The following SLC44A5 variants were observed in gnomAD, a reference collection of about 807,000 sequenced individuals.
SLC44A5 encodes the protein choline transporter-like protein 5.
A neutral mutation model predicts 101.8 loss-of-function variants in SLC44A5; 57 were observed. The observed-to-expected ratio is 0.56, with a 90% CI of 0.45 to 0.70. The LOEUF is 0.70. SLC44A5 is among the 30% of genes least tolerant of loss of function. The probability of loss-of-function intolerance (pLI) is 0.00; values close to 1 mark genes in which losing one functional copy is unlikely to be tolerated. For synonymous variants in SLC44A5, 281 were observed against 290.9 expected (o/e 0.97, Z 0.35); for missense variants, 737 against 853.1 (o/e 0.86, Z 1.70).
At chr1:75,218,041 A>G (rs1646999256) in intron 17 of SLC44A5, 81 bp from the exon 18 acceptor site, 1 of 916,858 alleles carries the variant, frequency 1.1e-6, no homozygotes, top group African/African-American at 1.7e-5. Context: ...TTTCACAAGT[A>G]AAAGGTATCT....
At chr1:75,213,815 T>A in intron 21 of SLC44A5, 22 bp from the exon 22 acceptor site, 1 of 1,583,446 alleles carries the variant, frequency 6.3e-7, no homozygotes, top group East Asian at 2.2e-5. Context: ...AGGTAGAACA[T>A]GTATATTATA....
intron 12 of SLC44A5, among the ~76,000 whole-genome samples, chr1:75,229,231 A>G (rs2100547868): frequency 6.6e-6 from 1 of 151,740 alleles, no homozygotes; most frequent in Admixed American, 6.6e-5. Context: ...CGTTGCTTCC[A>G]CTCTTGCCTC....
At chr1:75,615,436 TACACACAC>T (rs56337760), upstream of SLC44A5, among the ~76,000 whole-genome samples, 553 of 133,588 alleles carry the variant, frequency 4.1e-3, 2 homozygotes, top group Non-Finnish European at 5.5e-3. Flanking sequence ...CACACATACA[TACACACAC>T]ACACACACAC....
intron 2 of SLC44A5, among the ~76,000 whole-genome samples, chr1:75,509,508 T>C (rs567785289): frequency 3.3e-5 from 5 of 152,304 alleles, no homozygotes; most frequent in African/African-American, 1.2e-4. Flanking sequence ...ATGGTTACTT[T>C]GGAGGACATG....
chr1:75,451,232 G>T (rs1665891278), intron 2 of SLC44A5, among the ~76,000 whole-genome samples: 1 of 152,158 alleles, frequency 6.6e-6, no homozygotes, highest in Non-Finnish European at 1.5e-5. Flanking sequence ...AGACCACTAT[G>T]CATTCCATGA....
intron 2 of SLC44A5, among the ~76,000 whole-genome samples, chr1:75,475,797 C>T (rs1220206152): frequency 6.6e-6 from 1 of 152,158 alleles, no homozygotes; most frequent in Non-Finnish European, 1.5e-5. Flanking sequence ...GATCCTACTC[C>T]CAGCTTTACC....
At chr1:75,576,004 A>C (rs952505269) in intron 1 of SLC44A5, among the ~76,000 whole-genome samples, 2 of 152,072 alleles carry the variant, frequency 1.3e-5, no homozygotes, top group African/African-American at 2.4e-5. Context: ...GAAATGTAGT[A>C]GCCAAAATGA....
the SLC44A5 span, among the ~76,000 whole-genome samples, chr1:75,617,429 A>C: frequency 1.3e-5 from 2 of 152,194 alleles, no homozygotes; most frequent in Non-Finnish European, 2.9e-5. Context: ...AGCTCTGAGA[A>C]TTTGGACAAG....
At chr1:75,371,730 A>T (rs969394049) in intron 3 of SLC44A5, among the ~76,000 whole-genome samples, 2 of 152,198 alleles carry the variant, frequency 1.3e-5, no homozygotes, top group Non-Finnish European at 2.9e-5. Context: ...CGAAAAGCTA[A>T]AATGAAGGCC....
At chr1:75,700,511 G>A in the SLC44A5 span, among the ~76,000 whole-genome samples, 2 of 152,344 alleles carry the variant, frequency 1.3e-5, no homozygotes, top group African/African-American at 2.4e-5. Flanking sequence ...AAAGCAGTGT[G>A]TAGAGGGAAA....
At chr1:75,453,481 A>G (rs994028794) in intron 2 of SLC44A5, among the ~76,000 whole-genome samples, 2 of 152,128 alleles carry the variant, frequency 1.3e-5, no homozygotes, top group African/African-American at 4.8e-5. Context: ...AGGAACTAGA[A>G]AAACAAGAAC....
At chr1:75,402,402 G>T in intron 2 of SLC44A5, 1 of 378,184 alleles carries the variant, frequency 2.6e-6, no homozygotes, top group Non-Finnish European at 5.5e-6. Context: ...CTGGCAAGAT[G>T]GCCAAATAGA....
At chr1:75,395,102 T>A (rs2101387857) in intron 3 of SLC44A5, among the ~76,000 whole-genome samples, 1 of 152,260 alleles carries the variant, frequency 6.6e-6, no homozygotes, top group South Asian at 2.1e-4. Flanking sequence ...GGCTACTTTA[T>A]ATCAGAAGTG....
the SLC44A5 span, among the ~76,000 whole-genome samples, chr1:75,722,782 A>C: frequency 1.3e-5 from 2 of 152,304 alleles, no homozygotes; most frequent in African/African-American, 4.8e-5. Context: ...TTGATCTCAC[A>C]ATGATGGTCT....
rs150968911 is a variant in SLC44A5 at position 75,255,649 on chromosome 1, G to A, written c.261-4355C>T. ...CAGAAGAAAATTGTCCAGAGCTGAT[G>A]AGAGTCATAGTTCTTCAGGATTAAA... On this transcript the variant is annotated intron_variant, in intron 6 of 23. Coordinates refer to ENST00000370859, the MANE Select transcript of SLC44A5 (RefSeq NM_001130058.2). Among the ~76,000 whole-genome samples the A allele has an allele frequency of 7.9e-5, 12 of 152,206 alleles. No homozygotes were observed. In the East Asian group the frequency reaches 2.3e-3, roughly 29 times the overall value.
chr1:75,475,967 G>C (rs1255821944), intron 2 of SLC44A5, among the ~76,000 whole-genome samples: 1 of 152,200 alleles, frequency 6.6e-6, no homozygotes, highest in Non-Finnish European at 1.5e-5. Context: ...GGCGGATCAT[G>C]AGGTCAGGAG....
At chr1:75,526,454 C>T (rs1670411540) in intron 2 of SLC44A5, among the ~76,000 whole-genome samples, 1 of 152,222 alleles carries the variant, frequency 6.6e-6, no homozygotes, top group South Asian at 2.1e-4. Flanking sequence ...TATGCAGCCA[C>T]TTCCATCTTT....
At chr1:75,353,975 A>C in intron 3 of SLC44A5, 1 of 326,182 alleles carries the variant, frequency 3.1e-6, no homozygotes, top group Non-Finnish European at 6.0e-6. Flanking sequence ...TTCTTCTTCC[A>C]CATTGTATTC....
intron 2 of SLC44A5, among the ~76,000 whole-genome samples, chr1:75,437,409 C>A (rs980382343): frequency 6.6e-6 from 1 of 152,120 alleles, no homozygotes; most frequent in African/African-American, 2.4e-5. Flanking sequence ...CATTATGCAG[C>A]ACATGACTGT....
Sources: gnomAD v4.1 joint callset for allele counts (sites outside exome capture counted in the v4.1 genomes callset) on GRCh38, gnomAD v4.1.1 for gene constraint, MANE v1.5 for transcripts, NCBI Gene and HGNC (gene_info 2026-07-23, HGNC 2026-07-21) for gene names.